The following BMPER variants were observed in gnomAD, a reference collection of about 807,000 sequenced individuals.
BMPER encodes the protein BMP-binding endothelial regulator protein.
A neutral mutation model predicts 87.3 loss-of-function variants in BMPER; 45 were observed. The observed-to-expected ratio is 0.52, with a 90% CI of 0.41 to 0.66. BMPER has a LOEUF of 0.66. Among genes scored for constraint, BMPER ranks in the 30% least tolerant of loss-of-function variants. The probability of loss-of-function intolerance (pLI) is 0.00; values close to 1 mark genes in which losing one functional copy is unlikely to be tolerated. For synonymous variants in BMPER, 326 were observed against 316.2 expected (o/e 1.03, Z -0.33); for missense variants, 784 against 867.5 (o/e 0.90, Z 1.21).
chr7:34,090,575 C>G (rs1048492442), intron 13 of BMPER, among the ~76,000 whole-genome samples: 1 of 152,178 alleles, frequency 6.6e-6, no homozygotes, highest in Non-Finnish European at 1.5e-5. Context: ...TGGGGCACAA[C>G]GAGAGGCCAG....
intron 2 of BMPER, among the ~76,000 whole-genome samples, chr7:33,915,760 G>C (rs1237602560): frequency 6.6e-6 from 1 of 152,224 alleles, no homozygotes; most frequent in Non-Finnish European, 1.5e-5. Context: ...TTGTTATTAA[G>C]GGCAAGAACT....
intron 2 of BMPER, among the ~76,000 whole-genome samples, chr7:33,924,658 ATTTC>A (rs889332828): frequency 2.6e-5 from 4 of 151,238 alleles, no homozygotes; most frequent in Non-Finnish European, 4.4e-5. Flanking sequence ...TATTTTCTTT[ATTTC>A]TTTCTTTCTT....
intron 6 of BMPER, among the ~76,000 whole-genome samples, chr7:34,009,073 C>A (rs560120257): frequency 1.3e-5 from 2 of 151,982 alleles, no homozygotes; most frequent in African/African-American, 4.8e-5. Context: ...ATCCTCCTGC[C>A]TTGACCTCTG....
At chr7:34,122,649 A>T (rs1790292109) in intron 13 of BMPER, among the ~76,000 whole-genome samples, 1 of 152,248 alleles carries the variant, frequency 6.6e-6, no homozygotes, top group Non-Finnish European at 1.5e-5. Flanking sequence ...CAGCCTTGTT[A>T]TCTGCTCTTT....
chr7:34,110,920 C>A (rs561730976), intron 13 of BMPER, among the ~76,000 whole-genome samples: 1 of 152,264 alleles, frequency 6.6e-6, no homozygotes, highest in South Asian at 2.1e-4. Flanking sequence ...TTTACATGAA[C>A]TCAAGAACTT....
In BMPER at chr7:33,905,625, C is replaced by T; in HGVS notation, c.12C>T (p.Phe4=). 6.2e-7 allele frequency: 1 copy of T among 1,612,834 alleles called. No individual in the cohort carries two copies. Among genetic ancestry groups the T allele is most frequent in the Non-Finnish European group, 8.5e-7 (1 of 1,179,886 alleles). Residue 4 remains phenylalanine, a synonymous_variant, in exon 1 of 15, where the codon TTC becomes TTT. Coordinates refer to ENST00000649409, the MANE Select transcript of BMPER (RefSeq NM_001365308.1). ...CCCTCCAGGTGACGATGCTCTGGTTCTCCGGCGTCGGGGCTCTGGCTGAGC... is the reference window on the plus strand; with the variant it reads ...CCCTCCAGGTGACGATGCTCTGGTTTTCCGGCGTCGGGGCTCTGGCTGAGC... MLW[F]SGVGALAERY...
upstream of BMPER, chr7:33,905,528 G>A (rs1234502071): frequency 1.0e-5 from 16 of 1,541,776 alleles, no homozygotes; most frequent in Non-Finnish European, 1.3e-5. Flanking sequence ...CGCCGGCTGA[G>A]AGCCCTTTTC....
chr7:33,905,203 T>C (rs960916119), upstream of BMPER: 4 of 299,100 alleles, frequency 1.3e-5, no homozygotes, highest in Admixed American at 1.8e-4. Context: ...CCCGAAACAG[T>C]AGCGGCAGCC....
chr7:33,919,068 A>T (rs1033331309), intron 2 of BMPER, among the ~76,000 whole-genome samples: 1 of 152,104 alleles, frequency 6.6e-6, no homozygotes, highest in African/African-American at 2.4e-5. Flanking sequence ...GTGGGGGGGA[A>T]TTGTTAAAAA....
At chr7:33,979,696 T>C (rs976910266) in intron 6 of BMPER, among the ~76,000 whole-genome samples, 3 of 151,974 alleles carry the variant, frequency 2.0e-5, no homozygotes, top group African/African-American at 7.3e-5. Context: ...CCCTAGGGAG[T>C]TGTGTGGGTG....
intron 2 of BMPER, among the ~76,000 whole-genome samples, chr7:33,907,414 C>G (rs1466733997): frequency 6.6e-6 from 1 of 152,038 alleles, no homozygotes; most frequent in Non-Finnish European, 1.5e-5. Flanking sequence ...CCTGTTATAC[C>G]CTAAACCCTC....
chr7:34,019,784 C>T (rs1397171018), intron 6 of BMPER, among the ~76,000 whole-genome samples: 1 of 151,884 alleles, frequency 6.6e-6, no homozygotes, highest in Non-Finnish European at 1.5e-5. Flanking sequence ...CTAGCAATTA[C>T]AGAGTAGCAT....
At chr7:34,030,977 G>A (rs1787504251) in intron 6 of BMPER, among the ~76,000 whole-genome samples, 1 of 151,600 alleles carries the variant, frequency 6.6e-6, no homozygotes, top group Admixed American at 6.6e-5. Flanking sequence ...TGAGGTGAAT[G>A]TTGGCAGGTG....
chr7:34,054,645 G>A (rs941049133), intron 8 of BMPER, among the ~76,000 whole-genome samples: 18 of 152,188 alleles, frequency 1.2e-4, no homozygotes, highest in African/African-American at 4.1e-4. Context: ...GAAACTGTTG[G>A]TTCAGTCCCT....
chr7:34,048,977 G>A (rs2127959250), intron 7 of BMPER, among the ~76,000 whole-genome samples: 1 of 152,272 alleles, frequency 6.6e-6, no homozygotes, highest in East Asian at 1.9e-4. Flanking sequence ...AGACAAAAAA[G>A]CAAACAAACA....
At chr7:34,078,107 C>T (rs896873171) in intron 11 of BMPER, among the ~76,000 whole-genome samples, 6 of 152,096 alleles carry the variant, frequency 3.9e-5, no homozygotes, top group Admixed American at 2.6e-4. Context: ...TAAAACTTTA[C>T]TTTGATCTCA....
intron 6 of BMPER, among the ~76,000 whole-genome samples, chr7:34,001,954 A>G (rs902240543): frequency 4.0e-5 from 6 of 151,512 alleles, no homozygotes; most frequent in African/African-American, 1.2e-4. Context: ...TTTAATTTCT[A>G]TGTATTTTTG....
chr7:34,012,195 G>A (rs1786901574), intron 6 of BMPER, among the ~76,000 whole-genome samples: 1 of 151,920 alleles, frequency 6.6e-6, no homozygotes, highest in Admixed American at 6.6e-5. Context: ...AAAGTTCACA[G>A]AGACTAGATG....
intron 3 of BMPER, among the ~76,000 whole-genome samples, chr7:33,958,741 T>A (rs952948692): frequency 1.3e-5 from 2 of 152,198 alleles, no homozygotes; most frequent in Non-Finnish European, 2.9e-5. Flanking sequence ...TTCTAAATAC[T>A]GGGGGTAAAA....
Sources: gnomAD v4.1 joint callset for allele counts (sites outside exome capture counted in the v4.1 genomes callset) on GRCh38, gnomAD v4.1.1 for gene constraint, MANE v1.5 for transcripts, NCBI Gene and HGNC (gene_info 2026-07-23, HGNC 2026-07-21) for gene names.